The following LRRFIP2 variants were observed in gnomAD, a reference collection of about 807,000 sequenced individuals.
LRRFIP2 encodes LRR binding FLII interacting protein 2, also known as leucine-rich repeat flightless-interacting protein 2.
A neutral mutation model predicts 125.9 loss-of-function variants in LRRFIP2; 109 were observed. The observed-to-expected ratio is 0.87, with a 90% confidence interval of 0.74 to 1.01. The LOEUF is 1.01. Among genes scored for constraint, LRRFIP2 ranks in the 50% least tolerant of loss-of-function variants. LRRFIP2 has a pLI of 0.00. For missense variants in LRRFIP2, 850 were observed against 862.3 expected, an observed-to-expected ratio of 0.99 and a Z score of 0.18; for synonymous variants, 291 against 293.1, an observed-to-expected ratio of 0.99 and a Z score of 0.07.
At chr3:37,059,399 GATT>G (rs1304044355) in intron 24 of LRRFIP2, among the ~76,000 whole-genome samples, 1 of 152,098 alleles carries the variant, frequency 6.6e-6, no homozygotes, top group Non-Finnish European at 1.5e-5. Context: ...ATATTCAAGA[GATT>G]ATTTCTTAAA....
intron 2 of LRRFIP2, among the ~76,000 whole-genome samples, chr3:37,146,058 T>A (rs1338707511): frequency 6.6e-6 from 1 of 151,916 alleles, no homozygotes; most frequent in Non-Finnish European, 1.5e-5. Flanking sequence ...AAAGAAAGCA[T>A]CACATTAAAA....
chr3:37,109,491 C>A (rs1478481820), intron 11 of LRRFIP2, 36 bp downstream of exon 11: 1 of 1,610,648 alleles, frequency 6.2e-7, no homozygotes, highest in African/African-American at 1.3e-5. Context: ...ATTGACCCCA[C>A]CAGCACTGCA....
intron 4 of LRRFIP2, among the ~76,000 whole-genome samples, chr3:37,127,207 G>A (rs1357152519): frequency 2.6e-5 from 4 of 152,092 alleles, no homozygotes; most frequent in Admixed American, 6.6e-5. Context: ...GAGAGTAGTG[G>A]TAGAGAATTT....
intron 15 of LRRFIP2, among the ~76,000 whole-genome samples, chr3:37,097,022 CA>C (rs763901163): frequency 3.3e-5 from 5 of 151,728 alleles, no homozygotes; most frequent in African/African-American, 4.8e-5. Context: ...CTGATAAAAC[CA>C]AAAGCGAAAA....
chr3:37,055,695 AGAGTTAGAAGAAAATTCTTTACCC>A (rs1359043768), intron 25 of LRRFIP2, among the ~76,000 whole-genome samples: 1 of 152,220 alleles, frequency 6.6e-6, no homozygotes, highest in African/African-American at 2.4e-5. Flanking sequence ...CCTTGCAGCA[AGAGTTAGAAGAAAATTCTTTACCC>A]TATGATATGT....
At chr3:37,066,034 G>A in intron 22 of LRRFIP2, 92 bp from the exon 23 acceptor site, 2 of 1,522,418 alleles carry the variant, frequency 1.3e-6, no homozygotes, top group African/African-American at 2.7e-5. Flanking sequence ...GTTTGCTACA[G>A]GTAAAACCTG....
intron 1 of LRRFIP2, among the ~76,000 whole-genome samples, chr3:37,150,980 A>G (rs751890249): frequency 5.3e-5 from 8 of 152,210 alleles, no homozygotes; most frequent in African/African-American, 9.6e-5. Context: ...TATTCTGTCC[A>G]CCAGAATAAA....
chr3:37,152,018 C>T (rs566617092), intron 1 of LRRFIP2, among the ~76,000 whole-genome samples: 10 of 152,238 alleles, frequency 6.6e-5, no homozygotes, highest in South Asian at 2.1e-4. Context: ...TACACACACA[C>T]GTTTATAGCA....
chr3:37,108,234 T>C lies in LRRFIP2; in HGVS notation c.658-105A>G, dbSNP rs187100074. ...CCTAACTTGCCCCTGGTTCTCAAGA[T>C]AAAGGTAACTGTTATTCAGTGGTGT... On this transcript the variant is annotated intron_variant, in intron 12 of 27. Transcript: ENST00000336686. 54 of 841,938 alleles carry C rather than the reference T, an allele frequency of 6.4e-5. No individual in the cohort carries two copies. The African/African-American group carries it at 7.9e-4, about 12-fold the overall frequency. 52.2% of individuals were successfully genotyped at this position (841,938 alleles called of 1,614,324 possible).
rs560386841 is a variant in LRRFIP2, at chr3:37,073,830, A to G, written c.1372-948T>C. Among the ~76,000 whole-genome samples the G allele has an allele frequency of 7.2e-5, 11 of 152,270 alleles. No homozygotes were observed. In the East Asian group the frequency reaches 1.9e-3, roughly 27 times the overall value. On this transcript the variant is annotated intron_variant, in intron 20 of 27. Transcript: ENST00000336686. ...ATTGAATTTGAGAAGCAGCCCCCAAAGCAGGTTTATTATTTTATGTGGTTG... is the reference window on the plus strand; with the variant it reads ...ATTGAATTTGAGAAGCAGCCCCCAAGGCAGGTTTATTATTTTATGTGGTTG...
intron 1 of LRRFIP2, among the ~76,000 whole-genome samples, chr3:37,163,208 T>A (rs1178457577): frequency 6.6e-6 from 1 of 152,204 alleles, no homozygotes; most frequent in African/African-American, 2.4e-5. Context: ...AGCAGCAGTA[T>A]GTACCTTTCC....
chr3:37,173,890 G>T (rs549412797), intron 1 of LRRFIP2, among the ~76,000 whole-genome samples: 1 of 152,102 alleles, frequency 6.6e-6, no homozygotes, highest in African/African-American at 2.4e-5. Context: ...TTTTCCTTTC[G>T]TTAACGGAGA....
At chr3:37,112,542 T>C (rs1449520532) in intron 8 of LRRFIP2, among the ~76,000 whole-genome samples, 1 of 152,110 alleles carries the variant, frequency 6.6e-6, no homozygotes, top group Non-Finnish European at 1.5e-5. Flanking sequence ...AAACACAAAC[T>C]TTTAGAATGA....
chr3:37,141,437 C>T (rs1232521425), intron 2 of LRRFIP2, among the ~76,000 whole-genome samples: 1 of 152,210 alleles, frequency 6.6e-6, no homozygotes. Flanking sequence ...CACCATAGTG[C>T]TAGCTGTTTT....
At chr3:37,150,258 T>C (rs536236464) in intron 1 of LRRFIP2, among the ~76,000 whole-genome samples, 1 of 151,780 alleles carries the variant, frequency 6.6e-6, no homozygotes, top group African/African-American at 2.4e-5. Flanking sequence ...GGATCAGGAG[T>C]TCAAGACCAG....
rs527731952 is a variant in LRRFIP2 at position 37,072,851 on chromosome 3, G to T, written c.1403C>A (p.Thr468Asn). ...EKQRMQQKID[T>N]MTKEVFDLQE... ...GAGGTCAAACACCTCTTTTGTCATG[G>T]TGTCTATTTTCTGCTGCATGCGCTG... The change falls in exon 21 of 28, where the codon ACC becomes AAC. Residue 468 changes from threonine (T) to asparagine (N), a missense_variant. Transcript: ENST00000336686. 8.1e-6 allele frequency: 13 copies of T among 1,612,740 alleles called. No individual in the cohort carries two copies. In the East Asian group the frequency reaches 1.8e-4, roughly 22 times the overall value.
intron 2 of LRRFIP2, 136 bp from the exon 3 acceptor site, chr3:37,129,285 TTTGA>T (rs1314797578): frequency 7.4e-6 from 5 of 674,676 alleles, no homozygotes; most frequent in Non-Finnish European, 1.3e-5. Flanking sequence ...AGCAAGCAAG[TTTGA>T]TTGATTGTTT....
chr3:37,126,868 A>AG (rs1553769308), intron 4 of LRRFIP2, among the ~76,000 whole-genome samples: 1 of 147,220 alleles, frequency 6.8e-6, no homozygotes, highest in Non-Finnish European at 1.5e-5. Flanking sequence ...TCAAAAAAAA[A>AG]AAAGAAAGAA....
Position 37,054,478 on chromosome 3 carries a change from G to A in LRRFIP2, c.1988C>T (p.Thr663Ile). ...RLEGQVLRYKTAAENAEKVED... is the reference protein window; with the variant it reads ...RLEGQVLRYKIAAENAEKVED... Reference sequence around the variant, plus strand: ...AACTTTCTCAGCATTCTCAGCAGCAGTTTTATATCTCAGAACCTGTCCCTC... The same window carrying A: ...AACTTTCTCAGCATTCTCAGCAGCAATTTTATATCTCAGAACCTGTCCCTC... The change falls in exon 27 of 28, where the codon ACT becomes ATT. Residue 663 changes from threonine to isoleucine, a missense_variant. By Grantham distance (89) the Thr-to-Ile change is moderately conservative. Coordinates refer to ENST00000336686, the MANE Select transcript of LRRFIP2 (RefSeq NM_006309.4). 1 of 1,614,020 alleles carries A rather than the reference G, an allele frequency of 6.2e-7. No homozygotes were observed. The highest frequency in any genetic ancestry group is 8.5e-7 in the Non-Finnish European group (1 of 1,179,960).
Sources: gnomAD v4.1 joint callset for allele counts (sites outside exome capture counted in the v4.1 genomes callset) on GRCh38, gnomAD v4.1.1 for gene constraint, MANE v1.5 for transcripts, NCBI Gene and HGNC (gene_info 2026-07-23, HGNC 2026-07-21) for gene names.